The following SHISA9 variants were observed in gnomAD, a reference collection of about 807,000 sequenced individuals.
SHISA9 encodes shisa family member 9.
SHISA9 carries 13 observed loss-of-function variants against 38.0 expected under a neutral mutation model. That is an observed-to-expected ratio of 0.34 (90% CI 0.22 to 0.54). The LOEUF (loss-of-function observed/expected upper bound fraction) is 0.54, where lower values mean the gene tolerates loss of function less well. Ranked by LOEUF, SHISA9 falls within the 20% of genes least tolerant of loss-of-function variation. The pLI, the probability that SHISA9 is intolerant of heterozygous loss-of-function variation, is 0.91. For synonymous variants in SHISA9, 275 were observed against 242.0 expected, an observed-to-expected ratio of 1.14 and a Z score of -1.27; for missense variants, 538 against 575.8, an observed-to-expected ratio of 0.93 and a Z score of 0.67.
the SHISA9 span, among the ~76,000 whole-genome samples, chr16:13,313,441 G>A: frequency 6.6e-6 from 1 of 152,128 alleles, no homozygotes; most frequent in Admixed American, 6.5e-5. Flanking sequence ...ATCATAGCAG[G>A]AAATCAACAG....
At chr16:13,424,457 G>A in the SHISA9 span, among the ~76,000 whole-genome samples, 2 of 152,178 alleles carry the variant, frequency 1.3e-5, no homozygotes, top group East Asian at 3.9e-4. Flanking sequence ...GGCAACACTA[G>A]CAGAAGGTCA....
intron 4 of SHISA9, among the ~76,000 whole-genome samples, chr16:13,232,273 T>C (rs2051338636): frequency 6.6e-6 from 1 of 152,138 alleles, no homozygotes; most frequent in South Asian, 2.1e-4. Context: ...GTAGATAATC[T>C]TATAATAAAA....
At chr16:13,454,440 C>T in the SHISA9 span, among the ~76,000 whole-genome samples, 1 of 152,168 alleles carries the variant, frequency 6.6e-6, no homozygotes, top group Non-Finnish European at 1.5e-5. Context: ...TATTAAATAT[C>T]GTAATAGAAA....
chr16:13,249,216 A>T, the SHISA9 span, among the ~76,000 whole-genome samples: 6 of 152,208 alleles, frequency 3.9e-5, no homozygotes, highest in Non-Finnish European at 2.9e-5. Context: ...GGTCCCAGTA[A>T]GGAAGATGAG....
chr16:13,015,164 T>C (rs1448229686), intron 2 of SHISA9, among the ~76,000 whole-genome samples: 3 of 152,264 alleles, frequency 2.0e-5, no homozygotes, highest in African/African-American at 7.2e-5. Context: ...CCGCCTGTTT[T>C]ATTTTTACTG....
intron 2 of SHISA9, among the ~76,000 whole-genome samples, chr16:13,185,758 G>A (rs1273133290): frequency 6.6e-6 from 1 of 152,094 alleles, no homozygotes; most frequent in East Asian, 1.9e-4. Context: ...ATGGACACAT[G>A]GTGATTATTT....
chr16:13,090,875 A>C (rs984799927), intron 2 of SHISA9, among the ~76,000 whole-genome samples: 1 of 152,182 alleles, frequency 6.6e-6, no homozygotes, highest in Non-Finnish European at 1.5e-5. Flanking sequence ...TAATTGATGC[A>C]GTTTCTTCAT....
chr16:13,389,620 G>A, the SHISA9 span, among the ~76,000 whole-genome samples: 1 of 152,066 alleles, frequency 6.6e-6, no homozygotes, highest in East Asian at 1.9e-4. Flanking sequence ...TACAGCCCAG[G>A]GATCATAGCA....
At position 13,235,128 on chromosome 16, in the gene SHISA9, G is replaced by A. The variant is rs867085962; in HGVS notation, c.994G>A (p.Glu332Lys). Residue 332 changes from glutamate (E) to lysine (K), a missense_variant, in exon 5 of 5, where the codon GAG becomes AAG. Glu to Lys is a moderately conservative substitution (Grantham distance 56). Coordinates refer to ENST00000558583, the MANE Select transcript of SHISA9 (RefSeq NM_001145204.3). Reference sequence around the variant, plus strand: ...TCTGCACCCCGTAAGAGTGGAGGACGAGCCCCGGGCCTTCAGCCCTGAGCA... The same window carrying A: ...TCTGCACCCCGTAAGAGTGGAGGACAAGCCCCGGGCCTTCAGCCCTGAGCA... The part of the protein sequence containing the change: ...LPLHPVRVED[E>K]PRAFSPEHGP... 2 of 1,551,640 alleles carry A rather than the reference G, an allele frequency of 1.3e-6. No individual in the cohort carries two copies. Among genetic ancestry groups the A allele is most frequent in the African/African-American group, 1.4e-5 (1 of 73,120 alleles).
intron 2 of SHISA9, among the ~76,000 whole-genome samples, chr16:13,051,811 C>A (rs1435691111): frequency 1.3e-5 from 2 of 151,738 alleles, no homozygotes; most frequent in African/African-American, 4.9e-5. Context: ...TATCACCAGG[C>A]TGGAGTGCAG....
At chr16:13,452,105 C>T in the SHISA9 span, among the ~76,000 whole-genome samples, 2 of 152,194 alleles carry the variant, frequency 1.3e-5, no homozygotes, top group Non-Finnish European at 2.9e-5. Flanking sequence ...ACAGCCTTCT[C>T]CAGTGTCTAT....
At chr16:13,417,827 G>T in the SHISA9 span, among the ~76,000 whole-genome samples, 2 of 152,220 alleles carry the variant, frequency 1.3e-5, no homozygotes, top group Non-Finnish European at 2.9e-5. Flanking sequence ...GAGAAGAAGG[G>T]CATGGTGGTG....
intron 2 of SHISA9, among the ~76,000 whole-genome samples, chr16:13,030,189 G>A (rs878936342): frequency 1.3e-5 from 2 of 152,124 alleles, no homozygotes; most frequent in Admixed American, 6.5e-5. Flanking sequence ...CATCTCCTTG[G>A]TACCTCCATT....
In SHISA9 at chr16:12,961,202, G is replaced by A. The variant is rs139286129; in HGVS notation, c.691+44387G>A. On this transcript the variant is annotated intron_variant, in intron 2 of 4. Transcript: ENST00000558583. ...ACCCAGGCAGAGGGAACTGCATGGT[G>A]CAGGGACAACCTTGAGTGGGGAGTG... is the stretch of plus-strand genomic sequence containing the variant. 4.6e-3 allele frequency among the ~76,000 whole-genome samples: 706 copies of A among 152,306 alleles called. 3 individuals are homozygous for A. Among genetic ancestry groups the A allele is most frequent in the African/African-American group, 0.016 (682 of 41,554 alleles).
intron 2 of SHISA9, among the ~76,000 whole-genome samples, chr16:12,958,741 C>T (rs2071868813): frequency 6.6e-6 from 1 of 152,148 alleles, no homozygotes; most frequent in Admixed American, 6.5e-5. Flanking sequence ...TCTTTAAAAG[C>T]ATACTGAAGT....
At chr16:12,915,488 G>T (rs1439158177) in intron 1 of SHISA9, among the ~76,000 whole-genome samples, 1 of 152,164 alleles carries the variant, frequency 6.6e-6, no homozygotes, top group African/African-American at 2.4e-5. Flanking sequence ...TATCGGGGCT[G>T]GGGAGTTGGT....
At chr16:13,291,540 T>G in the SHISA9 span, among the ~76,000 whole-genome samples, 1 of 152,214 alleles carries the variant, frequency 6.6e-6, no homozygotes, top group Non-Finnish European at 1.5e-5. Flanking sequence ...GCTCCCAATT[T>G]TGTTTTTGTT....
intron 2 of SHISA9, among the ~76,000 whole-genome samples, chr16:13,140,884 C>A (rs2050396388): frequency 6.6e-6 from 1 of 152,092 alleles, no homozygotes; most frequent in African/African-American, 2.4e-5. Context: ...AGTCACAGAG[C>A]ATGTCTGGCA....
chr16:13,170,250 G>T (rs1203107812), intron 2 of SHISA9, among the ~76,000 whole-genome samples: 4 of 150,582 alleles, frequency 2.7e-5, no homozygotes, highest in East Asian at 1.9e-4. Context: ...ATGTTCATTT[G>T]TTCATTTATT....
Sources: allele counts gnomAD v4.1 joint callset (sites outside exome capture counted in the v4.1 genomes callset), GRCh38; gene constraint gnomAD v4.1.1; transcripts MANE v1.5; gene names NCBI Gene and HGNC (gene_info 2026-07-23, HGNC 2026-07-21).